CCDC50: variants seen among roughly 807,000 people sequenced by gnomAD.
CCDC50 encodes coiled-coil domain containing 50, also known as coiled-coil domain-containing protein 50.
A neutral mutation model predicts 70.2 loss-of-function variants in CCDC50; 54 were observed. The observed-to-expected ratio is 0.77, with a 90% CI of 0.62 to 0.96. CCDC50 has a LOEUF of 0.96. CCDC50 is among the 50% of genes least tolerant of loss of function. The pLI, the probability that CCDC50 is intolerant of heterozygous loss-of-function variation, is 0.00. For synonymous variants in CCDC50, 216 were observed against 198.8 expected (o/e 1.09, Z -0.73); for missense variants, 558 against 578.7 (o/e 0.96, Z 0.37).
intron 1 of CCDC50, chr3:191,330,346 A>AC (rs1717936902): frequency 6.5e-6 from 1 of 152,988 alleles, no homozygotes; most frequent in African/African-American, 2.4e-5. Flanking sequence ...AGCGAGGGGA[A>AC]CAGGGGACTG....
chr3:191,382,658 C>T (rs950118644), intron 9 of CCDC50, 88 bp from the exon 10 acceptor site: 6 of 852,390 alleles, frequency 7.0e-6, no homozygotes, highest in Non-Finnish European at 1.2e-5. Context: ...GATAAACATA[C>T]GTTAAACTTA....
rs896073209 is a variant in CCDC50, at chr3:191,375,500, A to G, written c.887A>G (p.His296Arg). 5 of 1,613,580 alleles carry G rather than the reference A, an allele frequency of 3.1e-6. No individual in the cohort carries two copies. The highest frequency in any genetic ancestry group is 2.7e-5 in the African/African-American group (2 of 74,888). The change falls in exon 6 of 12, where the codon CAT (histidine) becomes CGT (arginine). Residue 296 changes from histidine to arginine, a missense_variant. Coordinates refer to ENST00000392455, the MANE Select transcript of CCDC50 (RefSeq NM_178335.3). ...HCKEVVYGRD[H>R]GQGEHRKRRH... Reference sequence around the variant, plus strand: ...AAGGAAGTTGTATATGGGAGGGACCATGGGCAAGGTGAGCACAGAAAAAGG... The same window carrying G: ...AAGGAAGTTGTATATGGGAGGGACCGTGGGCAAGGTGAGCACAGAAAAAGG...
At chr3:191,359,328 A>C (rs1712404206) in intron 3 of CCDC50, among the ~76,000 whole-genome samples, 2 of 151,526 alleles carry the variant, frequency 1.3e-5, no homozygotes, top group African/African-American at 2.4e-5. Flanking sequence ...AATCAATCTC[A>C]CGTTAGCTGC....
intron 1 of CCDC50, 21 bp from the exon 2 acceptor site, chr3:191,357,067 T>G: frequency 6.4e-7 from 1 of 1,557,152 alleles, no homozygotes; most frequent in Non-Finnish European, 8.9e-7. Context: ...TTCCTGTCTG[T>G]TTTTCCTCCA....
chr3:191,387,517 G>A (rs1337906771), intron 10 of CCDC50, among the ~76,000 whole-genome samples: 1 of 149,754 alleles, frequency 6.7e-6, no homozygotes, highest in Non-Finnish European at 1.5e-5. Flanking sequence ...GCCAAGATTT[G>A]TTCTCTATGT....
intron 4 of CCDC50, among the ~76,000 whole-genome samples, chr3:191,365,133 GC>G (rs1348067798): frequency 3.3e-5 from 5 of 151,890 alleles, no homozygotes; most frequent in Admixed American, 6.6e-5. Context: ...ATGTGAATGT[GC>G]AACTATTTTA....
chr3:191,388,556 C>T (rs557646258), intron 10 of CCDC50, among the ~76,000 whole-genome samples: 220 of 152,274 alleles, frequency 1.4e-3, no homozygotes, highest in African/African-American at 4.8e-3. Flanking sequence ...CTGACCTCTT[C>T]GGGATGCTGA....
In CCDC50 at chr3:191,380,909, A is replaced by G; in HGVS notation, c.1219A>G (p.Arg407Gly). 1 of 1,612,732 alleles carries G rather than the reference A, an allele frequency of 6.2e-7. No homozygotes were observed. Among genetic ancestry groups the G allele is most frequent in the South Asian group, 1.1e-5 (1 of 91,028 alleles). Residue 407 changes from arginine (R) to glycine (G), a missense_variant, in exon 9 of 12, where the codon AGA becomes GGA. By Grantham distance (125) the Arg-to-Gly change is moderately radical. Coordinates refer to ENST00000392455, the MANE Select transcript of CCDC50 (RefSeq NM_178335.3). ...KEREKSSLDK[R>G]KQDPEWKPKT... Reference sequence around the variant, plus strand: ...GCGGGAGAAATCATCTTTGGACAAAAGAAAGCAAGACCCCGAGTGGAAGGT... The same window carrying G: ...GCGGGAGAAATCATCTTTGGACAAAGGAAAGCAAGACCCCGAGTGGAAGGT...
At chr3:191,364,120 G>A (rs1712592912) in intron 4 of CCDC50, among the ~76,000 whole-genome samples, 1 of 151,210 alleles carries the variant, frequency 6.6e-6, no homozygotes, top group African/African-American at 2.4e-5. Context: ...CCAGGCTGGA[G>A]TATAGTGGCG....
chr3:191,333,465 T>C (rs1718052515), intron 1 of CCDC50, among the ~76,000 whole-genome samples: 1 of 152,204 alleles, frequency 6.6e-6, no homozygotes, highest in South Asian at 2.1e-4. Context: ...CAGATGGCAG[T>C]GTCCATGAGA....
At chr3:191,368,621 ATTC>A (rs2307647) in intron 4 of CCDC50, among the ~76,000 whole-genome samples, 38,563 of 151,846 alleles carry the variant, frequency 0.25, 6,443 homozygotes, top group African/African-American at 0.47. Flanking sequence ...ATCTGAGGGT[ATTC>A]TTCATTCGCA....
chr3:191,384,588 T>C (rs574911), intron 10 of CCDC50, among the ~76,000 whole-genome samples: 63,829 of 151,684 alleles, frequency 0.42, 15,047 homozygotes, highest in Non-Finnish European at 0.53. Context: ...TACTTATGGT[T>C]AGAAATCCAA....
At chr3:191,342,627 G>T (rs889600766) in intron 1 of CCDC50, among the ~76,000 whole-genome samples, 1 of 152,156 alleles carries the variant, frequency 6.6e-6, no homozygotes, top group Non-Finnish European at 1.5e-5. Flanking sequence ...GAGGTTTAAG[G>T]AGATGGGTGG....
intron 1 of CCDC50, among the ~76,000 whole-genome samples, chr3:191,341,961 T>C (rs537793643): frequency 6.6e-6 from 1 of 152,330 alleles, no homozygotes; most frequent in South Asian, 2.1e-4. Flanking sequence ...TAGGCAGATA[T>C]AGCTCCTGAT....
rs1353544296 is a variant in CCDC50 at position 191,393,247 on chromosome 3, A to C, written c.*1487A>C. 6.6e-6 allele frequency: 1 copy of C among 151,982 alleles called. No homozygotes were observed. The highest frequency in any genetic ancestry group is 2.4e-5 in the African/African-American group (1 of 41,362). 9.4% of individuals were successfully genotyped at this position (151,982 alleles called of 1,614,324 possible). A position where few individuals can be genotyped will look rare whatever the true frequency, so the allele number is the denominator to read the frequency against. On this transcript the variant is annotated 3_prime_UTR_variant, in exon 12 of 12. Coordinates refer to ENST00000392455, the MANE Select transcript of CCDC50 (RefSeq NM_178335.3). Reference sequence around the variant, plus strand: ...TTCTCCCTCTCTCTGTCTCCCCCCCATGTACACATATATATATCCCTTCAG... The same window carrying C: ...TTCTCCCTCTCTCTGTCTCCCCCCCCTGTACACATATATATATCCCTTCAG...
intron 6 of CCDC50, among the ~76,000 whole-genome samples, chr3:191,375,809 T>C (rs1236958720): frequency 6.6e-6 from 1 of 152,178 alleles, no homozygotes; most frequent in Non-Finnish European, 1.5e-5. Context: ...GAGAATGCAC[T>C]GATTTCTTGG....
At chr3:191,337,041 A>G (rs1358275097) in intron 1 of CCDC50, among the ~76,000 whole-genome samples, 1 of 152,070 alleles carries the variant, frequency 6.6e-6, no homozygotes, top group South Asian at 2.1e-4. Context: ...TTATTGGAAC[A>G]TAGCCATACT....
intron 8 of CCDC50, 48 bp from the exon 9 acceptor site, chr3:191,380,780 T>C (rs1330746117): frequency 6.2e-7 from 1 of 1,611,014 alleles, no homozygotes; most frequent in Non-Finnish European, 8.5e-7. Context: ...CCTAGTATAT[T>C]TCTATCTGCA....
At chr3:191,387,617 G>C (rs936557830) in intron 10 of CCDC50, among the ~76,000 whole-genome samples, 6 of 148,728 alleles carry the variant, frequency 4.0e-5, no homozygotes, top group Admixed American at 4.0e-4. Context: ...CTCTTAAGAA[G>C]TACTTAAGAA....
Sources: allele counts gnomAD v4.1 joint callset (sites outside exome capture counted in the v4.1 genomes callset), GRCh38; gene constraint gnomAD v4.1.1; transcripts MANE v1.5; gene names NCBI Gene and HGNC (gene_info 2026-07-23, HGNC 2026-07-21).